Variants in ZNF777 observed in about 807,000 individuals in gnomAD.
The protein encoded by ZNF777 is zinc finger protein 777.
A neutral mutation model predicts 72.1 loss-of-function variants in ZNF777; 7 were observed. That is an observed-to-expected ratio of 0.10 (90% CI 0.06 to 0.18). The LOEUF (loss-of-function observed/expected upper bound fraction) is 0.18. ZNF777 is among the 10% of genes least tolerant of loss of function. The pLI, the probability that ZNF777 is intolerant of heterozygous loss-of-function variation, is 1.00. For synonymous variants in ZNF777, 545 were observed against 483.5 expected (o/e 1.13, Z -1.67); for missense variants, 828 against 1,128.6 (o/e 0.73, Z 3.82).
intron 4 of ZNF777, among the ~76,000 whole-genome samples, chr7:149,437,799 CTTTTTCTTTT>C (rs940068495): frequency 1.7e-5 from 2 of 115,654 alleles, no homozygotes; most frequent in African/African-American, 6.8e-5. Flanking sequence ...ATGTTTGTTT[CTTTTTCTTTT>C]TTTTTTTTTT....
At position 149,438,548 on chromosome 7, in the gene ZNF777, G is replaced by A. The variant is rs61140533; in HGVS notation, c.1088-1722C>T. On this transcript the variant is annotated intron_variant, in intron 4 of 5. Transcript: ENST00000247930. ...CCAACTACATGTCATGTGGTCTAACGGCTTTTGATATATCCAGTGAAAAAA... is the reference window on the plus strand; with the variant it reads ...CCAACTACATGTCATGTGGTCTAACAGCTTTTGATATATCCAGTGAAAAAA... Among the ~76,000 whole-genome samples, 343 of 152,230 alleles carry A rather than the reference G, an allele frequency of 2.3e-3. 3 individuals carry two copies. Among genetic ancestry groups the A allele is most frequent in the African/African-American group, 7.8e-3 (326 of 41,534 alleles).
rs1445069013 is a variant in ZNF777 at position 149,448,571 on chromosome 7, ACATATAAC to A, written c.1087+2420_1087+2427del. On this transcript the variant is annotated intron_variant, in intron 4 of 5. Transcript: ENST00000247930. The stretch of plus-strand genomic sequence containing the variant: ...GTTATACATATAGTTATATAGTTAT[ACATATAAC>A]TATATATATATATATATATATATAT... 1.8e-3 allele frequency among the ~76,000 whole-genome samples: 123 copies of A among 67,528 alleles called. 1 individual carries two copies. The highest frequency in any genetic ancestry group is 9.5e-3 in the African/African-American group (117 of 12,312). The allele number at this position is 67,528 out of a possible 152,430, so 44.3% of individuals were successfully genotyped here. A position where few individuals can be genotyped will look rare whatever the true frequency, so the allele number is the denominator to read the frequency against.
chr7:149,436,917 C>G lies in ZNF777; in HGVS notation c.1088-91G>C. 1 of 1,457,462 alleles carries G rather than the reference C, an allele frequency of 6.9e-7. No homozygotes were observed. The allele number at this position is 1,457,462 out of a possible 1,614,324, so 90.3% of individuals were successfully genotyped here. A position where few individuals can be genotyped will look rare whatever the true frequency, so the allele number is the denominator to read the frequency against. On this transcript the variant is annotated intron_variant, in intron 4 of 5. Transcript: ENST00000247930. This position sits in a 1 kb window ranked among gnomAD's most constrained non-coding sequence, Gnocchi z 5.0. ...GTTTCTGCAGCCCTACAATTTACAT[C>G]TCAATAAGTCTTATCTTAGAGACCC...
chr7:149,460,333 G>T lies in ZNF777; in HGVS notation c.-16+482C>A, dbSNP rs573646794. 6.9e-6 allele frequency among the ~76,000 whole-genome samples: 1 copy of T among 145,940 alleles called. No homozygotes were observed. The highest frequency in any genetic ancestry group is 1.5e-5 in the Non-Finnish European group (1 of 65,756). ...CCGGCCTGCTCGGGGCGCGCGGGGC[G>T]AGCGGGCGCGGGGTCGCGGAGCCCG... On this transcript the variant is annotated intron_variant, in intron 1 of 5. Transcript: ENST00000247930. This position sits in a 1 kb window ranked among gnomAD's most constrained non-coding sequence, Gnocchi z 6.1.
rs1436451076 is a variant in ZNF777 at position 149,431,764 on chromosome 7, C to T, written c.*12G>A. The T allele has an allele frequency of 3.4e-6, 5 of 1,485,300 alleles. No homozygotes were observed. The highest frequency in any genetic ancestry group is 1.3e-5 in the South Asian group (1 of 76,516). The allele number at this position is 1,485,300 out of a possible 1,614,324, so 92.0% of individuals were successfully genotyped here. A position where few individuals can be genotyped will look rare whatever the true frequency, so the allele number is the denominator to read the frequency against. Reference sequence around the variant, plus strand: ...CGCGCACCTGGCCGGGCGGCGGCGGCGGGGCGCGCGCTCACTCGCCCGTGT... The same window carrying T: ...CGCGCACCTGGCCGGGCGGCGGCGGTGGGGCGCGCGCTCACTCGCCCGTGT... On this transcript the variant is annotated 3_prime_UTR_variant, in exon 6 of 6. Transcript: ENST00000247930.
At chr7:149,456,532 A>C (rs1262508034) in intron 1 of ZNF777, among the ~76,000 whole-genome samples, 1 of 152,226 alleles carries the variant, frequency 6.6e-6, no homozygotes, top group Non-Finnish European at 1.5e-5. Flanking sequence ...AAAAGAGCAG[A>C]ATTTTGTAAA....
chr7:149,442,741 T>A (rs1799545162), intron 4 of ZNF777, among the ~76,000 whole-genome samples: 3 of 151,906 alleles, frequency 2.0e-5, no homozygotes, highest in Admixed American at 2.0e-4. Flanking sequence ...AGACGAGTAA[T>A]CCAAAAGAAT....
chr7:149,435,437 C>T (rs1799393315), intron 5 of ZNF777, among the ~76,000 whole-genome samples: 1 of 152,048 alleles, frequency 6.6e-6, no homozygotes, highest in South Asian at 2.1e-4. Context: ...TCCCAAAGTG[C>T]TGGGATTACA....
chr7:149,436,941 C>T lies in ZNF777; in HGVS notation c.1088-115G>A. ...TCTCAATAAGTCTTATCTTAGAGAC[C>T]CTGAAGAAATGTAATATTGAGTTGG... On this transcript the variant is annotated intron_variant, in intron 4 of 5. Transcript: ENST00000247930. This position sits in a 1 kb window ranked among gnomAD's most constrained non-coding sequence, Gnocchi z 5.0. 1 of 1,324,416 alleles carries T rather than the reference C, an allele frequency of 7.6e-7. No homozygotes were observed. Among genetic ancestry groups the T allele is most frequent in the Non-Finnish European group, 1.0e-6 (1 of 971,668 alleles). The allele number at this position is 1,324,416 out of a possible 1,614,324, so 82.0% of individuals were successfully genotyped here. A position where few individuals can be genotyped will look rare whatever the true frequency, so the allele number is the denominator to read the frequency against.
At chr7:149,454,580 G>A (rs577459989) in intron 2 of ZNF777, among the ~76,000 whole-genome samples, 4 of 152,094 alleles carry the variant, frequency 2.6e-5, no homozygotes, top group Admixed American at 2.0e-4. Flanking sequence ...GAGACATACC[G>A]GGCTAGAGAA....
intron 5 of ZNF777, among the ~76,000 whole-genome samples, chr7:149,434,988 T>C (rs1261084850): frequency 3.3e-5 from 5 of 152,174 alleles, no homozygotes; most frequent in African/African-American, 9.7e-5. Context: ...TTTTCTAAAG[T>C]TCTACTACAA....
chr7:149,460,327 CGGGGCGAGCGGGCGCGG>C lies in ZNF777; in HGVS notation c.-16+471_-16+487del, dbSNP rs1473280750. ...CGGGCCCCGGCCTGCTCGGGGCGCG[CGGGGCGAGCGGGCGCGG>C]GGTCGCGGAGCCCGAGCGGCGGCGT... On this transcript the variant is annotated intron_variant, in intron 1 of 5. Transcript: ENST00000247930. This position sits in a 1 kb window ranked among gnomAD's most constrained non-coding sequence, Gnocchi z 6.1. Among the ~76,000 whole-genome samples the C allele has an allele frequency of 6.9e-6, 1 of 145,920 alleles. No individual in the cohort carries two copies. Among genetic ancestry groups the C allele is most frequent in the Non-Finnish European group, 1.5e-5 (1 of 65,758 alleles).
chr7:149,455,786 G>A lies in ZNF777; in HGVS notation c.237C>T (p.Pro79=). 1 of 1,610,298 alleles carries A rather than the reference G, an allele frequency of 6.2e-7. No individual in the cohort carries two copies. The highest frequency in any genetic ancestry group is 8.5e-7 in the Non-Finnish European group (1 of 1,177,692). ...CAGAAGCGGCAGAACACAGGAGTGA[G>A]GGTCCCTTCTGGAGCACATGTGGCA... is the stretch of plus-strand genomic sequence containing the variant. The part of the protein sequence containing the change: ...GRMPHVLQKG[P]SLLCSAASEQ... Residue 79 remains proline (P), a synonymous_variant, in exon 2 of 6, where the codon CCC becomes CCT. Coordinates refer to ENST00000247930, the MANE Select transcript of ZNF777 (RefSeq NM_015694.3). The surrounding 1 kb of genome is among the most constrained non-coding windows in gnomAD (Gnocchi z 4.2).
intron 4 of ZNF777, among the ~76,000 whole-genome samples, chr7:149,438,748 A>T (rs1799460396): frequency 6.6e-6 from 1 of 152,120 alleles, no homozygotes; most frequent in Non-Finnish European, 1.5e-5. Context: ...TCATTCCCTT[A>T]CTAAGAAATC....
In ZNF777 at chr7:149,460,086, G is replaced by A. The variant is rs1799918811; in HGVS notation, c.-16+729C>T. 1.0e-6 allele frequency: 1 copy of A among 981,278 alleles called. No individual in the cohort carries two copies. Among genetic ancestry groups the A allele is most frequent in the South Asian group, 4.7e-5 (1 of 21,238 alleles). 60.8% of individuals were successfully genotyped at this position (981,278 alleles called of 1,614,324 possible). A position where few individuals can be genotyped will look rare whatever the true frequency, so the allele number is the denominator to read the frequency against. ...ACACGCAGGCCGTCCCCGGGGCCCCGAGGCCGCGCGTCCGTGCGCGCGCGG... is the reference window on the plus strand; with the variant it reads ...ACACGCAGGCCGTCCCCGGGGCCCCAAGGCCGCGCGTCCGTGCGCGCGCGG... On this transcript the variant is annotated intron_variant, in intron 1 of 5. Transcript: ENST00000247930. The surrounding 1 kb of genome is among the most constrained non-coding windows in gnomAD (Gnocchi z 6.1).
chr7:149,436,659 C>T lies in ZNF777; in HGVS notation c.1255G>A (p.Glu419Lys), dbSNP rs1799417727. ...EQPDLDMQEP[E>K]NTLEESTEGS... ...TCCGTGGACTCCTCCAGCGTGTTCTCTGGCTCCTGCATGTCCAGGTCTGGC... is the reference window on the plus strand; with the variant it reads ...TCCGTGGACTCCTCCAGCGTGTTCTTTGGCTCCTGCATGTCCAGGTCTGGC... Residue 419 changes from glutamate (E) to lysine (K), a missense_variant, in exon 5 of 6, where the codon GAG (glutamate) becomes AAG (lysine). Around this residue, in one of 12 missense-constraint regions of ZNF777, gnomAD observed 219 missense variants for 223.0 expected, o/e 0.98. Transcript: ENST00000247930. The surrounding 1 kb of genome is among the most constrained non-coding windows in gnomAD (Gnocchi z 5.0). The T allele has an allele frequency of 6.2e-7, 1 of 1,614,032 alleles. No individual in the cohort carries two copies. The highest frequency in any genetic ancestry group is 1.3e-5 in the African/African-American group (1 of 74,944).
At position 149,432,690 on chromosome 7, in the gene ZNF777, C is replaced by T. The variant is rs2116565603; in HGVS notation, c.1582G>A (p.Glu528Lys). 1 of 1,612,882 alleles carries T rather than the reference C, an allele frequency of 6.2e-7. No homozygotes were observed. ...PSVHGERHLS[E>K]NRGASSQQQR... is the part of the protein sequence containing the mutation. ...TGCTGGCTCGAGGCCCCGCGGTTCT[C>T]GCTCAGGTGCCGCTCACCGTGCACG... The change falls in exon 6 of 6, where the codon GAG becomes AAG. Residue 528 changes from glutamate to lysine, a missense_variant. Physicochemically the swap from Glu to Lys is moderately conservative, Grantham distance 56. Coordinates refer to ENST00000247930, the MANE Select transcript of ZNF777 (RefSeq NM_015694.3).
At chr7:149,439,271 C>A (rs920304790) in intron 4 of ZNF777, among the ~76,000 whole-genome samples, 1 of 152,102 alleles carries the variant, frequency 6.6e-6, no homozygotes, top group African/African-American at 2.4e-5. Context: ...ACAAACATGA[C>A]CACGACTCTA....
Position 149,455,837 on chromosome 7 carries a change from A to G in ZNF777, c.186T>C (p.Ala62=). The G allele has an allele frequency of 1.2e-6, 2 of 1,613,706 alleles. No individual in the cohort carries two copies. The highest frequency in any genetic ancestry group is 1.7e-6 in the Non-Finnish European group (2 of 1,179,926). Residue 62 remains alanine, a synonymous_variant, in exon 2 of 6, where the codon GCT becomes GCC. Coordinates refer to ENST00000247930, the MANE Select transcript of ZNF777 (RefSeq NM_015694.3). This position sits in a 1 kb window ranked among gnomAD's most constrained non-coding sequence, Gnocchi z 4.2. ...TCCGGCCAGAAGTCTCTTGCTTGGG[A>G]GCACTGGAAGTTTGGGGCAGGGAGC... ...RQGSLPQTSS[A]PKQETSGRMP...
Sources: gnomAD v4.1 joint callset for allele counts (sites outside exome capture counted in the v4.1 genomes callset) on GRCh38, gnomAD v4.1.1 for gene constraint, gnomAD v4.1.1 regional missense constraint, Gnocchi (gnomAD v3.1) non-coding constraint, MANE v1.5 for transcripts, NCBI Gene and HGNC (gene_info 2026-07-23, HGNC 2026-07-21) for gene names.